Variants in KDM5B observed in about 807,000 individuals in gnomAD.
KDM5B encodes the protein lysine-specific demethylase 5B.
In KDM5B, 144 loss-of-function variants were observed where a neutral mutation model predicts 193.4. The observed-to-expected ratio is 0.74, with a 90% CI of 0.65 to 0.86. The LOEUF (loss-of-function observed/expected upper bound fraction) is 0.86, where lower values mean the gene tolerates loss of function less well. Among genes scored for constraint, KDM5B ranks in the 40% least tolerant of loss-of-function variants. The probability of loss-of-function intolerance (pLI) is 0.00; values close to 1 mark genes in which losing one functional copy is unlikely to be tolerated. For missense variants in KDM5B, 1,833 were observed against 1,886.9 expected (o/e 0.97, Z 0.53); for synonymous variants, 668 against 682.6 (o/e 0.98, Z 0.33).
intron 4 of KDM5B, among the ~76,000 whole-genome samples, chr1:202,768,146 G>C (rs1656552526): frequency 6.6e-6 from 1 of 152,124 alleles, no homozygotes; most frequent in African/African-American, 2.4e-5. Flanking sequence ...AATAACTTTG[G>C]TTCTGATCAG....
Position 202,742,401 on chromosome 1 carries a change from G to A in KDM5B, c.2579C>T (p.Pro860Leu), listed in dbSNP as rs1230501344. The change falls in exon 18 of 27, where the codon CCA becomes CTA. Residue 860 changes from proline (P) to leucine (L), a missense_variant. Transcript: ENST00000367265. ...YALPCVLSQTPLLKDLLNRVE... is the reference protein window; with the variant it reads ...YALPCVLSQTLLLKDLLNRVE... ...TCCCTCTATGGTTACCTTTAGTAAT[G>A]GTGTCTGACTGAGGACACATGGAAG... 7 of 1,610,618 alleles carry A rather than the reference G, an allele frequency of 4.3e-6. No individual in the cohort carries two copies. Among genetic ancestry groups the A allele is most frequent in the East Asian group, 2.2e-5 (1 of 44,866 alleles).
intron 3 of KDM5B, 55 bp from the exon 4 acceptor site, chr1:202,773,343 C>A: frequency 3.5e-6 from 5 of 1,448,362 alleles, no homozygotes; most frequent in Non-Finnish European, 4.8e-6. Flanking sequence ...CTAATCACAT[C>A]TAAGTATGAC....
intron 26 of KDM5B, 95 bp from the exon 27 acceptor site, chr1:202,729,268 T>C: frequency 7.4e-7 from 1 of 1,345,322 alleles, no homozygotes; most frequent in Non-Finnish European, 1.0e-6. Flanking sequence ...CGTTTGCCAA[T>C]AACAGCCACT....
At chr1:202,773,849 T>C (rs1259085003) in intron 3 of KDM5B, among the ~76,000 whole-genome samples, 1 of 152,030 alleles carries the variant, frequency 6.6e-6, no homozygotes, top group Non-Finnish European at 1.5e-5. Context: ...GCGATTTTCC[T>C]GCCTCAGCCT....
Position 202,800,262 on chromosome 1 carries a change from T to A in KDM5B, c.204+7840A>T, listed in dbSNP as rs1232960604. ...TTTCACCATGTTGGCCAGGATGGTCTCAATCTCTTGACCTCATGATCCACC... is the reference window on the plus strand; with the variant it reads ...TTTCACCATGTTGGCCAGGATGGTCACAATCTCTTGACCTCATGATCCACC... On this transcript the variant is annotated intron_variant, in intron 1 of 26. Coordinates refer to ENST00000367265, the MANE Select transcript of KDM5B (RefSeq NM_006618.5). Among the ~76,000 whole-genome samples the A allele has an allele frequency of 2.6e-5, 4 of 152,140 alleles. No homozygotes were observed. In the East Asian group the frequency reaches 7.7e-4, roughly 29 times the overall value.
chr1:202,775,874 AAAAAAAT>A, intron 2 of KDM5B, among the ~76,000 whole-genome samples: 1 of 126,990 alleles, frequency 7.9e-6, no homozygotes, highest in Non-Finnish European at 1.6e-5. Flanking sequence ...AAAAAAAAAA[AAAAAAAT>A]ATATATATAT....
At position 202,787,892 on chromosome 1, in the gene KDM5B, C is replaced by CA. The variant is rs35173977; in HGVS notation, c.205-10799dup. Among the ~76,000 whole-genome samples the CA allele has an allele frequency of 1.4e-3, 189 of 130,488 alleles. 2 individuals carry two copies. The highest frequency in any genetic ancestry group is 2.4e-3 in the South Asian group (10 of 4,104). The allele number at this position is 130,488 out of a possible 152,430, so 85.6% of individuals were successfully genotyped here. A position where few individuals can be genotyped will look rare whatever the true frequency, so the allele number is the denominator to read the frequency against. ...TGGGCAACAGTGTGAGACTCTGTCT[C>CA]AAAAAAAAAAAAAAATTATGTGAAG... On this transcript the variant is annotated intron_variant, in intron 1 of 26. Coordinates refer to ENST00000367265, the MANE Select transcript of KDM5B (RefSeq NM_006618.5).
intron 5 of KDM5B, 124 bp from the exon 6 acceptor site, chr1:202,764,269 T>TA (rs993393834): frequency 1.9e-6 from 1 of 535,346 alleles, no homozygotes; most frequent in Admixed American, 4.1e-5. Context: ...ATTCAAAACA[T>TA]ACTTCTCTCT....
chr1:202,776,456 C>A (rs930980428), intron 2 of KDM5B, among the ~76,000 whole-genome samples: 5 of 151,996 alleles, frequency 3.3e-5, no homozygotes, highest in African/African-American at 7.2e-5. Flanking sequence ...GCAGGAGGAT[C>A]GCTTCAGCCC....
At chr1:202,730,859 T>C in intron 25 of KDM5B, 50 bp downstream of exon 25, 3 of 1,519,292 alleles carry the variant, frequency 2.0e-6, no homozygotes, top group Non-Finnish European at 1.8e-6. Context: ...AAATAAAGCA[T>C]ACCCCCACCC....
intron 14 of KDM5B, among the ~76,000 whole-genome samples, chr1:202,747,964 T>TA (rs1320501197): frequency 4.0e-5 from 6 of 151,816 alleles, no homozygotes; most frequent in African/African-American, 1.2e-4. Flanking sequence ...AACAATTTTT[T>TA]AAAAAAAACA....
intron 3 of KDM5B, 109 bp from the exon 4 acceptor site, chr1:202,773,397 A>T (rs1656801604): frequency 1.2e-6 from 1 of 825,520 alleles, no homozygotes; most frequent in African/African-American, 1.7e-5. Context: ...TTTTAAAAAC[A>T]TGTTTTGCCA....
Position 202,728,852 on chromosome 1 carries a change from AT to A in KDM5B, c.*183del. 4 of 673,944 alleles carry A rather than the reference AT, an allele frequency of 5.9e-6. No individual in the cohort carries two copies. Among genetic ancestry groups the A allele is most frequent in the South Asian group, 5.5e-5 (2 of 36,562 alleles). 41.7% of individuals were successfully genotyped at this position (673,944 alleles called of 1,614,324 possible). On this transcript the variant is annotated 3_prime_UTR_variant, in exon 27 of 27. Coordinates refer to ENST00000367265, the MANE Select transcript of KDM5B (RefSeq NM_006618.5). ...GGAAAAAATACAAAAAGTGTCAAAA[AT>A]TTTTTTAGTTGTTTTTTCTTTTCTT...
intron 1 of KDM5B, among the ~76,000 whole-genome samples, chr1:202,778,298 T>C (rs188629904): frequency 1.3e-5 from 2 of 152,154 alleles, no homozygotes; most frequent in Non-Finnish European, 2.9e-5. Context: ...AATATATATA[T>C]ATACACACAC....
chr1:202,764,024 C>G, intron 6 of KDM5B, 25 bp downstream of exon 6: 1 of 1,169,176 alleles, frequency 8.6e-7, no homozygotes, highest in Non-Finnish European at 1.3e-6. Context: ...CTTTTTCTTT[C>G]CTATTCATTG....
intron 14 of KDM5B, 149 bp downstream of exon 14, chr1:202,748,796 A>T: frequency 1.7e-6 from 1 of 574,116 alleles, no homozygotes. Context: ...AATAAAAATT[A>T]AAACCACGAG....
intron 4 of KDM5B, 188 bp from the exon 5 acceptor site, chr1:202,767,248 T>TG: frequency 6.3e-7 from 1 of 1,590,788 alleles, no homozygotes; most frequent in Middle Eastern, 1.9e-4. Flanking sequence ...AAGCAGTTGG[T>TG]GTCTTACTAC....
intron 14 of KDM5B, among the ~76,000 whole-genome samples, chr1:202,748,007 A>C (rs1474315358): frequency 6.6e-6 from 1 of 152,188 alleles, no homozygotes; most frequent in African/African-American, 2.4e-5. Flanking sequence ...TGATTTCAAG[A>C]CTTCTTAGAA....
intron 1 of KDM5B, chr1:202,796,720 C>T (rs61820991): frequency 0.066 from 11,973 of 180,972 alleles, 779 homozygotes; most frequent in East Asian, 0.24. Context: ...GGTTCAACTA[C>T]GAGCTAGTGA....
Sources: allele counts gnomAD v4.1 joint callset (sites outside exome capture counted in the v4.1 genomes callset), GRCh38; gene constraint gnomAD v4.1.1; transcripts MANE v1.5; gene names NCBI Gene and HGNC (gene_info 2026-07-23, HGNC 2026-07-21).